Variants in CFAP44 observed in about 807,000 individuals in gnomAD.
CFAP44 encodes cilia and flagella associated protein 44, also known as cilia- and flagella-associated protein 44.
A neutral mutation model predicts 216.2 loss-of-function variants in CFAP44; 134 were observed. The observed-to-expected ratio is 0.62, with a 90% CI of 0.54 to 0.72. CFAP44 has a LOEUF of 0.72. Ranked by LOEUF, CFAP44 falls within the 30% of genes least tolerant of loss-of-function variation. The pLI, the probability that CFAP44 is intolerant of heterozygous loss-of-function variation, is 0.00. For synonymous variants in CFAP44, 700 were observed against 727.6 expected, an observed-to-expected ratio of 0.96 and a Z score of 0.61; for missense variants, 2,035 against 2,182.1, an observed-to-expected ratio of 0.93 and a Z score of 1.34.
chr3:113,300,405 G>A (rs1211401990), intron 32 of CFAP44, among the ~76,000 whole-genome samples: 3 of 151,330 alleles, frequency 2.0e-5, no homozygotes, highest in African/African-American at 7.3e-5. Flanking sequence ...TTGAGGTGAG[G>A]ATATCCCATT....
At chr3:113,428,531 T>C (rs1433619484) in intron 2 of CFAP44, among the ~76,000 whole-genome samples, 1 of 152,212 alleles carries the variant, frequency 6.6e-6, no homozygotes, top group Non-Finnish European at 1.5e-5. Context: ...TTTATAATCC[T>C]AAAATAGACA....
At chr3:113,404,426 A>G (rs1934221527) in intron 8 of CFAP44, among the ~76,000 whole-genome samples, 1 of 152,232 alleles carries the variant, frequency 6.6e-6, no homozygotes, top group African/African-American at 2.4e-5. Context: ...AGATTATAGC[A>G]TAATAGTATC....
rs988174176 is a variant in CFAP44, at chr3:113,290,989, T to G, written c.*568A>C. Reference sequence around the variant, plus strand: ...ACCCAAAGCAAACTGCTCTGCCATGTCTGTTTGTATTTCCTGAATCCTGAG... The same window carrying G: ...ACCCAAAGCAAACTGCTCTGCCATGGCTGTTTGTATTTCCTGAATCCTGAG... On this transcript the variant is annotated 3_prime_UTR_variant, in exon 35 of 35. Transcript: ENST00000393845. The G allele has an allele frequency of 6.5e-6, 1 of 153,862 alleles. No homozygotes were observed. Among genetic ancestry groups the G allele is most frequent in the Non-Finnish European group, 1.4e-5 (1 of 69,064 alleles). 9.5% of individuals were successfully genotyped at this position (153,862 alleles called of 1,614,324 possible).
At chr3:113,328,745 A>AG (rs1950215622) in intron 26 of CFAP44, among the ~76,000 whole-genome samples, 1 of 148,882 alleles carries the variant, frequency 6.7e-6, no homozygotes, top group African/African-American at 2.5e-5. Context: ...GAGAAGAAAA[A>AG]ATTAAACTTT....
chr3:113,364,856 T>C (rs1950573275), intron 19 of CFAP44, among the ~76,000 whole-genome samples: 1 of 152,102 alleles, frequency 6.6e-6, no homozygotes, highest in African/African-American at 2.4e-5. Flanking sequence ...GCTCCCTAGC[T>C]GATTCTAAAG....
In CFAP44 at chr3:113,400,564, C is replaced by A; in HGVS notation, c.1455G>T (p.Met485Ile). Residue 485 changes from methionine (M) to isoleucine (I), a missense_variant, in exon 12 of 35, where the codon ATG becomes ATT. By Grantham distance (10) the Met-to-Ile change is conservative. Around this residue, in one of 3 missense-constraint regions of CFAP44, gnomAD observed 1,883 missense variants for 2,023.7 expected, o/e 0.93. Coordinates refer to ENST00000393845, the MANE Select transcript of CFAP44 (RefSeq NM_001164496.2). The stretch of plus-strand genomic sequence containing the variant: ...ACTTACAGTCCAAGGCAGTTGTGGC[C>A]ATGAGATAAGTGAGAGGAGAAACAG... The part of the protein sequence containing the change: ...AVAVSPLTYL[M>I]ATTALDCSVR... The A allele has an allele frequency of 6.2e-7, 1 of 1,605,240 alleles. No homozygotes were observed. Among genetic ancestry groups the A allele is most frequent in the South Asian group, 1.1e-5 (1 of 89,654 alleles).
In CFAP44 at chr3:113,427,176, A is replaced by G. The variant is rs115262098; in HGVS notation, c.253+11T>C. The G allele has an allele frequency of 4.3e-4, 686 of 1,606,690 alleles. 5 individuals are homozygous for G. In the African/African-American group the frequency reaches 5.8e-3, roughly 14 times the overall value. Reference sequence around the variant, plus strand: ...AGTGACAATTACTGACAGAAAACTAATAATACCTACCTGTAGTGCTTTGCA... The same window carrying G: ...AGTGACAATTACTGACAGAAAACTAGTAATACCTACCTGTAGTGCTTTGCA... On this transcript the variant is annotated intron_variant, in intron 3 of 34. Transcript: ENST00000393845.
At chr3:113,309,309 G>A (rs1950015714) in intron 28 of CFAP44, among the ~76,000 whole-genome samples, 1 of 152,112 alleles carries the variant, frequency 6.6e-6, no homozygotes. Context: ...AAACAGTCTA[G>A]AGAAGAATTA....
chr3:113,384,831 G>A (rs1229468389), intron 15 of CFAP44, among the ~76,000 whole-genome samples: 6 of 152,164 alleles, frequency 3.9e-5, no homozygotes, highest in Admixed American at 2.6e-4. Context: ...AAGTGTGTGG[G>A]CAAACTATAA....
At chr3:113,299,479 T>G (rs561696840) in intron 32 of CFAP44, among the ~76,000 whole-genome samples, 1 of 152,288 alleles carries the variant, frequency 6.6e-6, no homozygotes, top group Non-Finnish European at 1.5e-5. Context: ...TGTAAATTAG[T>G]GCAACCACTT....
Position 113,296,933 on chromosome 3 carries a change from T to C in CFAP44, c.5078-48A>G, listed in dbSNP as rs576834835. 157 of 1,527,188 alleles carry C rather than the reference T, an allele frequency of 1.0e-4. No individual in the cohort carries two copies. In the South Asian group the frequency reaches 1.8e-3, roughly 17 times the overall value. 94.6% of individuals were successfully genotyped at this position (1,527,188 alleles called of 1,614,324 possible). The stretch of plus-strand genomic sequence containing the variant: ...TCAGGTTGTTCAATGGCTCCCATTG[T>C]TATAAATGAACACCAGGAACAATAA... On this transcript the variant is annotated intron_variant, in intron 32 of 34. Transcript: ENST00000393845.
intron 19 of CFAP44, among the ~76,000 whole-genome samples, chr3:113,364,991 T>C (rs1950574655): frequency 1.3e-5 from 2 of 152,144 alleles, no homozygotes; most frequent in South Asian, 2.1e-4. Flanking sequence ...TTCAGAAATA[T>C]TGATTGCAGC....
At chr3:113,407,757 C>T (rs1934327416) in intron 7 of CFAP44, among the ~76,000 whole-genome samples, 1 of 152,064 alleles carries the variant, frequency 6.6e-6, no homozygotes, top group African/African-American at 2.4e-5. Flanking sequence ...AAAAGAAGAC[C>T]TATCCAAGTA....
intron 2 of CFAP44, among the ~76,000 whole-genome samples, chr3:113,432,373 A>G (rs1221276876): frequency 2.6e-5 from 4 of 152,184 alleles, no homozygotes; most frequent in Non-Finnish European, 4.4e-5. Flanking sequence ...TTAGAAAATT[A>G]TTTTTAGTTT....
intron 18 of CFAP44, among the ~76,000 whole-genome samples, chr3:113,370,061 C>T (rs1455411216): frequency 5.9e-5 from 9 of 152,296 alleles, no homozygotes; most frequent in Non-Finnish European, 7.4e-5. Context: ...AGACCAATAA[C>T]AGGTTCTGAA....
chr3:113,379,187 TAA>T, intron 17 of CFAP44, 117 bp downstream of exon 17: 1 of 787,706 alleles, frequency 1.3e-6, no homozygotes, highest in Non-Finnish European at 1.8e-6. Context: ...AAATGAAATC[TAA>T]AAAAAAATAA....
At chr3:113,388,831 T>G in intron 15 of CFAP44, among the ~76,000 whole-genome samples, 1 of 152,170 alleles carries the variant, frequency 6.6e-6, no homozygotes, top group East Asian at 1.9e-4. Context: ...ATATAACAAT[T>G]GTAAATATAT....
chr3:113,348,180 C>A (rs1434002245), intron 22 of CFAP44, among the ~76,000 whole-genome samples: 1 of 152,128 alleles, frequency 6.6e-6, no homozygotes, highest in African/African-American at 2.4e-5. Context: ...GGTCCAGGGA[C>A]CATTGCAGGT....
At chr3:113,416,770 A>AT (rs1188310076) in intron 5 of CFAP44, 143 bp from the exon 6 acceptor site, 4 of 567,362 alleles carry the variant, frequency 7.1e-6, no homozygotes, top group Non-Finnish European at 1.2e-5. Context: ...CATCAGATAA[A>AT]TATTTAATGA....
Sources: allele counts gnomAD v4.1 joint callset (sites outside exome capture counted in the v4.1 genomes callset), GRCh38; gene constraint gnomAD v4.1.1; regional missense constraint gnomAD v4.1.1; transcripts MANE v1.5; gene names NCBI Gene and HGNC (gene_info 2026-07-23, HGNC 2026-07-21).